Variants in DOCK8 observed in about 807,000 individuals in gnomAD.
DOCK8 encodes dedicator of cytokinesis 8, also known as dedicator of cytokinesis protein 8.
Under a neutral mutation model 245.6 loss-of-function variants are expected in DOCK8, and 141 were observed. That is an observed-to-expected ratio of 0.57 (90% CI 0.50 to 0.66). The LOEUF is 0.66. Ranked by LOEUF, DOCK8 falls within the 30% of genes least tolerant of loss-of-function variation. The pLI, the probability that DOCK8 is intolerant of heterozygous loss-of-function variation, is 0.00. For synonymous variants in DOCK8, 1,168 were observed against 970.2 expected (o/e 1.20, Z -3.79); for missense variants, 2,965 against 2,603.4 (o/e 1.14, Z -3.02).
At chr9:230,747 T>G (rs1587624825) in intron 1 of DOCK8, among the ~76,000 whole-genome samples, 1 of 151,998 alleles carries the variant, frequency 6.6e-6, no homozygotes, top group Non-Finnish European at 1.5e-5. Flanking sequence ...TTGATGGGGT[T>G]GTTTGTTTTT....
intron 27 of DOCK8, among the ~76,000 whole-genome samples, chr9:405,505 C>T (rs78686147): frequency 2.0e-5 from 3 of 152,088 alleles, no homozygotes; most frequent in African/African-American, 4.8e-5. Flanking sequence ...TGCAAATGCA[C>T]GAGAAGCAGA....
At chr9:280,798 A>C (rs921637126) in intron 2 of DOCK8, 3 of 152,226 alleles carry the variant, frequency 2.0e-5, no homozygotes, top group African/African-American at 7.2e-5. Context: ...CAGCTCTTGC[A>C]GGAGAACTCT....
intron 5 of DOCK8, among the ~76,000 whole-genome samples, chr9:305,373 C>T (rs2049774380): frequency 6.6e-6 from 1 of 151,850 alleles, no homozygotes; most frequent in Admixed American, 6.6e-5. Flanking sequence ...AGCTCCGCCT[C>T]CCGGGTTCAC....
chr9:326,038 C>G (rs970577790), intron 8 of DOCK8, among the ~76,000 whole-genome samples: 1 of 152,216 alleles, frequency 6.6e-6, no homozygotes, highest in African/African-American at 2.4e-5. Context: ...ACATTTTTAA[C>G]AAGCTTGGAT....
chr9:311,975 G>T lies in DOCK8; in HGVS notation c.550G>T (p.Val184Leu), dbSNP rs143461644. The T allele has an allele frequency of 6.2e-7, 1 of 1,613,920 alleles. No homozygotes were observed. Among genetic ancestry groups the T allele is most frequent in the African/African-American group, 1.3e-5 (1 of 74,928 alleles). The change falls in exon 6 of 48, where the codon GTG (valine) becomes TTG (leucine). Residue 184 changes from valine (V) to leucine (L), a missense_variant. Val to Leu is a conservative substitution (Grantham distance 32). This residue lies in a region of DOCK8 where 2,825 missense variants were observed against 2,453.5 expected (regional missense o/e 1.15). Transcript: ENST00000432829. The stretch of plus-strand genomic sequence containing the variant: ...ACAGGCAGGCCCCCGCCACTTAAAC[G>T]TGCTGTGCGACGTGTCTGGGAAAGG... ...AAQAGPRHLNVLCDVSGKGPV... is the reference protein window; with the variant it reads ...AAQAGPRHLNLLCDVSGKGPV...
At chr9:428,255 C>G (rs140432310) in intron 34 of DOCK8, 107 bp from the exon 35 acceptor site, 1 of 1,570,972 alleles carries the variant, frequency 6.4e-7, no homozygotes, top group East Asian at 2.3e-5. Context: ...ACTCTTAAGA[C>G]TCACCACTGG....
At chr9:417,985 A>G in intron 29 of DOCK8, 83 bp from the exon 30 acceptor site, 1 of 1,577,466 alleles carries the variant, frequency 6.3e-7, no homozygotes, top group Non-Finnish European at 8.7e-7. Context: ...TTAGTGACTG[A>G]GAAGTATCAG....
In DOCK8 at chr9:396,876, C is replaced by G. The variant is rs1351751190; in HGVS notation, c.3062C>G (p.Thr1021Ser). The part of the protein sequence containing the change: ...RFSDRFMDDI[T>S]TIVNVVTSEI... ...TCTGACCGTTTCATGGATGACATAA[C>G]TACTATTGTTAATGTGGTCACCTCG... Residue 1021 changes from threonine (T) to serine (S), a missense_variant, in exon 25 of 48, where the codon ACT becomes AGT. Physicochemically the swap from Thr to Ser is moderately conservative, Grantham distance 58. Transcript: ENST00000432829. 1 of 1,614,070 alleles carries G rather than the reference C, an allele frequency of 6.2e-7. No homozygotes were observed. The highest frequency in any genetic ancestry group is 1.1e-5 in the South Asian group (1 of 91,090).
At chr9:248,474 C>CTCCT (rs560242828) in intron 1 of DOCK8, among the ~76,000 whole-genome samples, 69 of 151,050 alleles carry the variant, frequency 4.6e-4, no homozygotes, top group African/African-American at 1.5e-3. Context: ...TCCTCCCTCC[C>CTCCT]TCCTCTCTCC....
In DOCK8 at chr9:411,886, C is replaced by T. The variant is rs79715431; in HGVS notation, c.3531-2896C>T. 8.8e-3 allele frequency among the ~76,000 whole-genome samples: 1,338 copies of T among 152,282 alleles called. 24 individuals carry two copies. Among genetic ancestry groups the T allele is most frequent in the African/African-American group, 0.029 (1,207 of 41,562 alleles). On this transcript the variant is annotated intron_variant, in intron 28 of 47. Transcript: ENST00000432829. ...AAAAGCATTTAATAAAATCTAATAA[C>T]GCTTCCTGATAAAAACACTCAACAA...
intron 14 of DOCK8, among the ~76,000 whole-genome samples, chr9:362,605 T>A (rs959522775): frequency 3.9e-5 from 6 of 152,186 alleles, no homozygotes; most frequent in African/African-American, 1.4e-4. Flanking sequence ...CTCAAAGCCC[T>A]CTTTCCTTCT....
At chr9:413,013 C>A (rs574223336) in intron 28 of DOCK8, among the ~76,000 whole-genome samples, 20 of 152,064 alleles carry the variant, frequency 1.3e-4, no homozygotes, top group Middle Eastern at 3.4e-3. Context: ...TCAAAACTTA[C>A]TACAAAGCAA....
intron 16 of DOCK8, 85 bp downstream of exon 16, chr9:370,385 T>G: frequency 8.4e-7 from 1 of 1,187,648 alleles, no homozygotes; most frequent in Non-Finnish European, 1.3e-6. Flanking sequence ...TGGTTCCTCC[T>G]AACTATTTTT....
chr9:234,776 G>T (rs2047206793), intron 1 of DOCK8, among the ~76,000 whole-genome samples: 1 of 151,614 alleles, frequency 6.6e-6, no homozygotes, highest in South Asian at 2.1e-4. Flanking sequence ...CTTTGCATTG[G>T]TTATTCTAGT....
At chr9:394,652 A>T (rs963236945) in intron 24 of DOCK8, among the ~76,000 whole-genome samples, 5 of 152,266 alleles carry the variant, frequency 3.3e-5, no homozygotes, top group Non-Finnish European at 7.3e-5. Context: ...CCTTGGAGAA[A>T]TAGAGATAAA....
At chr9:451,901 A>G (rs983866040) in intron 45 of DOCK8, 110 bp from the exon 46 acceptor site, 2 of 44,634 alleles carry the variant, frequency 4.5e-5, no homozygotes, top group Non-Finnish European at 1.2e-4. Flanking sequence ...ATGCATATAC[A>G]TATACATATG....
intron 23 of DOCK8, among the ~76,000 whole-genome samples, chr9:389,152 T>C (rs1374271623): frequency 6.6e-6 from 1 of 152,156 alleles, no homozygotes; most frequent in Non-Finnish European, 1.5e-5. Flanking sequence ...GTCCCCAAGA[T>C]GTAAGGTTTT....
chr9:450,687 A>G (rs2057399534), intron 45 of DOCK8, among the ~76,000 whole-genome samples: 1 of 152,116 alleles, frequency 6.6e-6, no homozygotes, highest in Admixed American at 6.6e-5. Context: ...AGGGAGCAGA[A>G]ACAGAGAAGA....
intron 46 of DOCK8, among the ~76,000 whole-genome samples, chr9:458,701 C>A (rs1291841733): frequency 2.0e-5 from 3 of 151,996 alleles, no homozygotes; most frequent in African/African-American, 7.3e-5. Context: ...GTTCCAACTG[C>A]TCGGGAAGCT....
Sources: gnomAD v4.1 joint callset for allele counts (sites outside exome capture counted in the v4.1 genomes callset) on GRCh38, gnomAD v4.1.1 for gene constraint, gnomAD v4.1.1 regional missense constraint, MANE v1.5 for transcripts, NCBI Gene and HGNC (gene_info 2026-07-23, HGNC 2026-07-21) for gene names.